INO80E: variants seen among roughly 807,000 people sequenced by gnomAD.
INO80E encodes the protein coiled-coil domain containing 95.
INO80E carries 20 observed loss-of-function variants against 27.3 expected under a neutral mutation model. The observed-to-expected ratio is 0.73, with a 90% confidence interval of 0.51 to 1.06. The LOEUF is 1.06. Among genes scored for constraint, INO80E ranks in the 50% least tolerant of loss-of-function variants. The probability of loss-of-function intolerance (pLI) is 0.00; values close to 1 mark genes in which losing one functional copy is unlikely to be tolerated. For synonymous variants in INO80E, 167 were observed against 145.9 expected (o/e 1.14, Z -1.04); for missense variants, 357 against 322.8 (o/e 1.11, Z -0.81).
chr16:29,996,859 G>A lies in INO80E; in HGVS notation c.204G>A (p.Ser68=). The A allele has an allele frequency of 6.2e-7, 1 of 1,614,034 alleles. No individual in the cohort carries two copies. The highest frequency in any genetic ancestry group is 8.5e-7 in the Non-Finnish European group (1 of 1,179,902). The change falls in exon 3 of 7, where the codon TCG becomes TCA. Residue 68 remains serine, a splice_region_variant and synonymous_variant. Transcript: ENST00000563197. ...LQYENVDEDS[S]DSDATASSDN... The stretch of plus-strand genomic sequence containing the variant: ...ACGAGAACGTGGATGAAGACTCTTC[G>A]GGTGAGCAAGGTCTTCAAAAATTGG...
intron 6 of INO80E, chr16:30,004,574 C>T (rs919252725): frequency 1.3e-4 from 20 of 154,476 alleles, no homozygotes; most frequent in African/African-American, 3.4e-4. Context: ...TTAGAGCGCG[C>T]GCTCTGGCTG....
At chr16:30,001,156 G>T (rs2070335954) in intron 5 of INO80E, 116 bp downstream of exon 5, 2 of 1,472,318 alleles carry the variant, frequency 1.4e-6, no homozygotes, top group African/African-American at 1.4e-5. Context: ...TCTGGGTGTG[G>T]CCCAAGTGTC....
In INO80E at chr16:30,005,536, GC is replaced by G; in HGVS notation, c.*97del. On this transcript the variant is annotated 3_prime_UTR_variant, in exon 7 of 7. Transcript: ENST00000563197. ...AGCTTCCTCGGAGGTGTTTATTGAT[GC>G]CCAGCTGCCATGCTCCGGCCACTGA... is the stretch of plus-strand genomic sequence containing the variant. 1 of 1,174,836 alleles carries G rather than the reference GC, an allele frequency of 8.5e-7. No homozygotes were observed. The highest frequency in any genetic ancestry group is 1.2e-6 in the Non-Finnish European group (1 of 817,226). The allele number at this position is 1,174,836 out of a possible 1,614,324, so 72.8% of individuals were successfully genotyped here. A position where few individuals can be genotyped will look rare whatever the true frequency, so the allele number is the denominator to read the frequency against.
chr16:30,001,436 C>T lies in INO80E; in HGVS notation c.419C>T (p.Pro140Leu), dbSNP rs754493408. Residue 140 changes from proline (P) to leucine (L), a missense_variant, in exon 6 of 7, where the codon CCA (proline) becomes CTA (leucine). By Grantham distance (98) the Pro-to-Leu change is moderately conservative. Transcript: ENST00000563197. ...CAGCTGGCCTCCTCCCGCTACCCCC[C>T]ATTCCCTTCTGACTACCTGGCCCTG... is the stretch of plus-strand genomic sequence containing the variant. ...LSSLASSRYPPFPSDYLALQL... is the reference protein window; with the variant it reads ...LSSLASSRYPLFPSDYLALQL... 6 of 1,610,246 alleles carry T rather than the reference C, an allele frequency of 3.7e-6. No homozygotes were observed. Among genetic ancestry groups the T allele is most frequent in the Non-Finnish European group, 5.1e-6 (6 of 1,178,260 alleles).
At chr16:30,001,196 C>T in intron 5 of INO80E, 156 bp downstream of exon 5, 1 of 1,476,278 alleles carries the variant, frequency 6.8e-7, no homozygotes, top group Non-Finnish European at 9.0e-7. Context: ...GGGCTGCCCC[C>T]TTCTCTCTGG....
In INO80E at chr16:30,003,949, AG is replaced by A. The variant is rs2070444828; in HGVS notation, c.514-1271del. ...TGGACCCCCCATCATCCATCCTGCC[AG>A]CCTCCTATACCCTGAGGCCTGACCC... On this transcript the variant is annotated intron_variant, in intron 6 of 6. Coordinates refer to ENST00000563197, the MANE Select transcript of INO80E (RefSeq NM_173618.3). The surrounding 1 kb of genome is among the most constrained non-coding windows in gnomAD (Gnocchi z 4.4). 1 of 152,302 alleles carries A rather than the reference AG, an allele frequency of 6.6e-6. No homozygotes were observed. Among genetic ancestry groups the A allele is most frequent in the African/African-American group, 2.4e-5 (1 of 41,406 alleles). The allele number at this position is 152,302 out of a possible 1,614,324, so 9.4% of individuals were successfully genotyped here. A position where few individuals can be genotyped will look rare whatever the true frequency, so the allele number is the denominator to read the frequency against.
intron 3 of INO80E, among the ~76,000 whole-genome samples, chr16:29,997,690 G>T (rs113090463): frequency 4.8e-4 from 72 of 151,182 alleles, no homozygotes; most frequent in African/African-American, 1.7e-3. Context: ...GGAGGCAGAG[G>T]TTGCAGTGAG....
chr16:30,002,554 G>A (rs965986455), intron 6 of INO80E: 5 of 152,646 alleles, frequency 3.3e-5, no homozygotes, highest in African/African-American at 4.8e-5. Context: ...ACCCATTTCA[G>A]AGAATGAGCA....
chr16:30,002,577 G>C (rs1350585697), intron 6 of INO80E: 1 of 152,498 alleles, frequency 6.6e-6, no homozygotes, highest in Non-Finnish European at 1.5e-5. Context: ...GGAGTTCCTG[G>C]AGGACCTGGT....
At chr16:30,000,884 C>T in intron 4 of INO80E, 45 bp from the exon 5 acceptor site, 2 of 1,610,508 alleles carry the variant, frequency 1.2e-6, no homozygotes, top group Non-Finnish European at 1.7e-6. Flanking sequence ...AGGTGGGGCG[C>T]CTGGGCTCCT....
At chr16:30,001,715 G>A (rs528749101) in intron 6 of INO80E, 185 bp downstream of exon 6, 3 of 586,462 alleles carry the variant, frequency 5.1e-6, no homozygotes, top group South Asian at 4.6e-5. Flanking sequence ...ACAAATCAGG[G>A]CAGAACCAGC....
chr16:29,996,351 A>C lies in INO80E; in HGVS notation c.41A>C (p.Lys14Thr), dbSNP rs1405794723. ...GACGGCGAAGTGGACTACAAAAAAA[A>C]ATACCGGAATCTGAAGCGGAAGCTC... Reference protein sequence around the residue: ...PADGEVDYKKKYRNLKRKLKF... With the variant: ...PADGEVDYKKTYRNLKRKLKF... Residue 14 changes from lysine to threonine, a missense_variant, in exon 1 of 7, where the codon AAA (lysine) becomes ACA (threonine). Lys to Thr is a moderately conservative substitution (Grantham distance 78, BLOSUM62 -1). Coordinates refer to ENST00000563197, the MANE Select transcript of INO80E (RefSeq NM_173618.3). 1.2e-6 allele frequency: 2 copies of C among 1,600,614 alleles called. No homozygotes were observed. The highest frequency in any genetic ancestry group is 1.7e-6 in the Non-Finnish European group (2 of 1,173,622).
rs2150926808 is a variant in INO80E, at chr16:29,998,960, G to C, written c.206-1798G>C. Among the ~76,000 whole-genome samples, 2 of 152,042 alleles carry C rather than the reference G, an allele frequency of 1.3e-5. 1 individual carries two copies. The highest frequency in any genetic ancestry group is 4.2e-4 in the South Asian group (2 of 4,800). On this transcript the variant is annotated intron_variant, in intron 3 of 6. Coordinates refer to ENST00000563197, the MANE Select transcript of INO80E (RefSeq NM_173618.3). ...CTCAGGAGGCTGAGGCAGAAGAATG[G>C]TGTGAACCCGGGAGGCGGAGCTTGC...
chr16:30,000,328 A>C (rs1383111657), intron 3 of INO80E, among the ~76,000 whole-genome samples: 2 of 152,128 alleles, frequency 1.3e-5, no homozygotes, highest in African/African-American at 2.4e-5. Context: ...TGTGCCCACC[A>C]GCTGGTGAGT....
rs750098054 is a variant in INO80E, at chr16:29,996,841, C to T, written c.186C>T (p.Asn62=). 13 of 1,614,018 alleles carry T rather than the reference C, an allele frequency of 8.1e-6. No homozygotes were observed. Among genetic ancestry groups the T allele is most frequent in the East Asian group, 4.5e-5 (2 of 44,898 alleles). Residue 62 remains asparagine, a synonymous_variant, in exon 3 of 7, where the codon AAC becomes AAT. Coordinates refer to ENST00000563197, the MANE Select transcript of INO80E (RefSeq NM_173618.3). ...FLLDRLLQYE[N]VDEDSSDSDA... Reference sequence around the variant, plus strand: ...TAGACCGACTTCTGCAGTACGAGAACGTGGATGAAGACTCTTCGGGTGAGC... The same window carrying T: ...TAGACCGACTTCTGCAGTACGAGAATGTGGATGAAGACTCTTCGGGTGAGC...
chr16:29,996,354 A>G lies in INO80E; in HGVS notation c.44A>G (p.Tyr15Cys), dbSNP rs750250386. ...GGCGAAGTGGACTACAAAAAAAAAT[A>G]CCGGAATCTGAAGCGGAAGCTCAAG... ...ADGEVDYKKKYRNLKRKLKFL... is the reference protein window; with the variant it reads ...ADGEVDYKKKCRNLKRKLKFL... Residue 15 changes from tyrosine (Y) to cysteine (C), a missense_variant, in exon 1 of 7, where the codon TAC (tyrosine) becomes TGC (cysteine). By Grantham distance (194) the Tyr-to-Cys change is radical. Transcript: ENST00000563197. 2 of 1,599,856 alleles carry G rather than the reference A, an allele frequency of 1.3e-6. No homozygotes were observed. Among genetic ancestry groups the G allele is most frequent in the Admixed American group, 1.7e-5 (1 of 58,032 alleles).
Position 30,005,430 on chromosome 16 carries a change from C to T in INO80E, c.723C>T (p.Asp241=). The T allele has an allele frequency of 6.2e-7, 1 of 1,600,178 alleles. No individual in the cohort carries two copies. ...ATGGAGACGATGACCTGGTGATCGACATCCCGGAGTGACCGTGACATCACG... is the reference window on the plus strand; with the variant it reads ...ATGGAGACGATGACCTGGTGATCGATATCCCGGAGTGACCGTGACATCACG... ...ALDGDDDLVI[D]IPE The change falls in exon 7 of 7, where the codon GAC becomes GAT. Residue 241 remains aspartate (D), a synonymous_variant. Coordinates refer to ENST00000563197, the MANE Select transcript of INO80E (RefSeq NM_173618.3).
chr16:30,004,464 T>C (rs1450575069), intron 6 of INO80E: 2 of 152,800 alleles, frequency 1.3e-5, no homozygotes, highest in East Asian at 1.9e-4. Flanking sequence ...TTCTGACAAA[T>C]AGAGCAGGAT....
In INO80E at chr16:30,005,689, G is replaced by C; in HGVS notation, c.*247G>C. The C allele has an allele frequency of 1.8e-6, 1 of 550,900 alleles. No homozygotes were observed. Among genetic ancestry groups the C allele is most frequent in the Non-Finnish European group, 3.2e-6 (1 of 315,834 alleles). 34.1% of individuals were successfully genotyped at this position (550,900 alleles called of 1,614,324 possible). On this transcript the variant is annotated 3_prime_UTR_variant, in exon 7 of 7. Transcript: ENST00000563197. ...GAGTGGCCGGGAGCATCTGCCACCT[G>C]CTGGGGAGGCAGAGACCCTGCAATG... is the stretch of plus-strand genomic sequence containing the variant.
Sources: allele counts gnomAD v4.1 joint callset (sites outside exome capture counted in the v4.1 genomes callset), GRCh38; gene constraint gnomAD v4.1.1; non-coding constraint Gnocchi (gnomAD v3.1); transcripts MANE v1.5; gene names NCBI Gene and HGNC (gene_info 2026-07-23, HGNC 2026-07-21).